STAC: variants seen among roughly 807,000 people sequenced by gnomAD.
The protein encoded by STAC is SH3 and cysteine rich domain.
In STAC, 43 loss-of-function variants were observed where a neutral mutation model predicts 48.8. The ratio of observed to expected loss-of-function variants is 0.88; its 90% CI spans 0.69 to 1.14. STAC has a LOEUF of 1.14. Ranked by LOEUF, STAC falls within the 50% of genes most tolerant of loss-of-function variation. The pLI is 0.00. For missense variants in STAC, 497 were observed against 504.0 expected, an observed-to-expected ratio of 0.99 and a Z score of 0.13; for synonymous variants, 193 against 179.5, an observed-to-expected ratio of 1.07 and a Z score of -0.60.
At chr3:36,414,104 A>C (rs1365269520) in intron 1 of STAC, among the ~76,000 whole-genome samples, 24 of 152,112 alleles carry the variant, frequency 1.6e-4, no homozygotes, top group African/African-American at 5.3e-4. Context: ...GGCTGCCCTT[A>C]ACATTTTTTC....
At chr3:36,479,452 A>G (rs73827538) in intron 2 of STAC, among the ~76,000 whole-genome samples, 4,725 of 152,236 alleles carry the variant, frequency 0.031, 221 homozygotes, top group African/African-American at 0.11. Flanking sequence ...TTTGTTCTTC[A>G]GAGTATATGC....
chr3:36,524,591 CA>C (rs1417657004), intron 8 of STAC, among the ~76,000 whole-genome samples: 3 of 151,502 alleles, frequency 2.0e-5, no homozygotes, highest in Admixed American at 1.3e-4. Context: ...AACTCCATCT[CA>C]AAAAAATAAA....
chr3:36,452,859 G>A lies in STAC; in HGVS notation c.388+9219G>A, dbSNP rs148976783. 6.4e-3 allele frequency among the ~76,000 whole-genome samples: 976 copies of A among 152,274 alleles called. 14 individuals are homozygous for A. The highest frequency in any genetic ancestry group is 0.022 in the African/African-American group (910 of 41,562). ...GGAGGAGCCCCTGCCACTATAAGCC[G>A]AAGGCCTGTGGGGCCTCCTTCCATG... On this transcript the variant is annotated intron_variant, in intron 2 of 10. Transcript: ENST00000273183.
chr3:36,447,007 A>C (rs1388636876), intron 2 of STAC, among the ~76,000 whole-genome samples: 1 of 152,160 alleles, frequency 6.6e-6, no homozygotes, highest in Non-Finnish European at 1.5e-5. Context: ...GTCTTATGAA[A>C]GGGATTTGTT....
At chr3:36,535,948 G>A (rs1426809516) in intron 10 of STAC, among the ~76,000 whole-genome samples, 1 of 152,102 alleles carries the variant, frequency 6.6e-6, no homozygotes, top group Non-Finnish European at 1.5e-5. Flanking sequence ...TTGTGTCTCT[G>A]CCAGGTTTTA....
intron 1 of STAC, among the ~76,000 whole-genome samples, chr3:36,441,634 T>C (rs570091145): frequency 2.0e-5 from 3 of 152,334 alleles, no homozygotes; most frequent in African/African-American, 7.2e-5. Context: ...CTGAATCACA[T>C]GGTAGTTCTA....
In STAC at chr3:36,399,747, A is replaced by T. The variant is rs533494723; in HGVS notation, c.111+18993A>T. ...TAACTTACTCGAGAATCTTGGAAAAATTTCAATTAAATTGACTCATATACA... is the reference window on the plus strand; with the variant it reads ...TAACTTACTCGAGAATCTTGGAAAATTTTCAATTAAATTGACTCATATACA... On this transcript the variant is annotated intron_variant, in intron 1 of 10. Transcript: ENST00000273183. 2.6e-5 allele frequency among the ~76,000 whole-genome samples: 4 copies of T among 152,324 alleles called. No homozygotes were observed. In the East Asian group the frequency reaches 5.8e-4, roughly 22 times the overall value.
intron 1 of STAC, among the ~76,000 whole-genome samples, chr3:36,431,402 C>A (rs1700701254): frequency 6.6e-6 from 1 of 152,112 alleles, no homozygotes; most frequent in South Asian, 2.1e-4. Context: ...GGCTTTATGG[C>A]CATGGCATCA....
intron 1 of STAC, among the ~76,000 whole-genome samples, chr3:36,426,468 G>C (rs1700566587): frequency 6.6e-6 from 1 of 152,210 alleles, no homozygotes; most frequent in African/African-American, 2.4e-5. Flanking sequence ...TGTAGCTTTA[G>C]CAGTATACTG....
At chr3:36,532,970 A>G (rs528008944) in intron 10 of STAC, among the ~76,000 whole-genome samples, 1 of 152,310 alleles carries the variant, frequency 6.6e-6, no homozygotes, top group South Asian at 2.1e-4. Flanking sequence ...TATAAATGAG[A>G]AAACAAACAC....
chr3:36,510,745 G>A (rs752405640), intron 8 of STAC, among the ~76,000 whole-genome samples: 1 of 152,152 alleles, frequency 6.6e-6, no homozygotes, highest in East Asian at 1.9e-4. Flanking sequence ...CTCATAAGTG[G>A]GAGATGAACA....
intron 3 of STAC, among the ~76,000 whole-genome samples, chr3:36,483,930 G>A (rs1054846978): frequency 2.0e-5 from 3 of 152,174 alleles, no homozygotes; most frequent in Non-Finnish European, 4.4e-5. Flanking sequence ...TAGCTTGGGT[G>A]ACAGTGAGAA....
intron 2 of STAC, among the ~76,000 whole-genome samples, chr3:36,449,491 C>T (rs1033139422): frequency 6.6e-6 from 1 of 152,170 alleles, no homozygotes. Flanking sequence ...AGTGTTCTCA[C>T]AGAGATTATT....
chr3:36,424,902 G>A (rs749089311), intron 1 of STAC, among the ~76,000 whole-genome samples: 118 of 152,146 alleles, frequency 7.8e-4, no homozygotes, highest in Non-Finnish European at 1.4e-3. Context: ...ATAAATAAAT[G>A]AAGGGTAATT....
intron 2 of STAC, among the ~76,000 whole-genome samples, chr3:36,480,747 T>G (rs1480992015): frequency 6.6e-6 from 1 of 152,188 alleles, no homozygotes; most frequent in Non-Finnish European, 1.5e-5. Context: ...TTGAATACTA[T>G]TTATGCATCG....
chr3:36,395,019 A>G (rs1391275896), intron 1 of STAC, among the ~76,000 whole-genome samples: 1 of 99,210 alleles, frequency 1.0e-5, no homozygotes, highest in East Asian at 2.4e-4. Flanking sequence ...GAATCAAAAG[A>G]TATATAGATA....
chr3:36,544,479 C>CATTTATTT (rs141283454), intron 10 of STAC, among the ~76,000 whole-genome samples: 249 of 151,766 alleles, frequency 1.6e-3, no homozygotes, highest in African/African-American at 5.6e-3. Flanking sequence ...CAGGTGTCTG[C>CATTTATTT]ATTTATTTAT....
chr3:36,483,908 G>A (rs79455765), intron 3 of STAC, among the ~76,000 whole-genome samples: 2,642 of 152,228 alleles, frequency 0.017, 22 homozygotes, highest in Non-Finnish European at 0.021. Context: ...CCATTATTGC[G>A]CAACTGTACT....
intron 2 of STAC, among the ~76,000 whole-genome samples, chr3:36,482,143 C>T (rs1196535838): frequency 2.0e-5 from 3 of 152,222 alleles, no homozygotes; most frequent in Non-Finnish European, 4.4e-5. Context: ...AGATGGCATT[C>T]TCTTGTCTGT....
Sources: allele counts gnomAD v4.1 joint callset (sites outside exome capture counted in the v4.1 genomes callset), GRCh38; gene constraint gnomAD v4.1.1; transcripts MANE v1.5; gene names NCBI Gene and HGNC (gene_info 2026-07-23, HGNC 2026-07-21).